The following DIP2C variants were observed in gnomAD, a reference collection of about 807,000 sequenced individuals.
DIP2C encodes disco-interacting protein 2 homolog C.
Under a neutral mutation model 192.4 loss-of-function variants are expected in DIP2C, and 33 were observed. The observed-to-expected ratio is 0.17, with a 90% confidence interval of 0.13 to 0.23. DIP2C has a LOEUF of 0.23. DIP2C is among the 10% of genes least tolerant of loss of function. The probability of loss-of-function intolerance (pLI) is 1.00; values close to 1 mark genes in which losing one functional copy is unlikely to be tolerated. For synonymous variants in DIP2C, 979 were observed against 864.1 expected, an observed-to-expected ratio of 1.13 and a Z score of -2.33; for missense variants, 1,537 against 2,110.1, an observed-to-expected ratio of 0.73 and a Z score of 5.32.
At chr10:328,799 G>A (rs1369744391) in intron 30 of DIP2C, among the ~76,000 whole-genome samples, 2 of 152,162 alleles carry the variant, frequency 1.3e-5, no homozygotes, top group Non-Finnish European at 2.9e-5. Flanking sequence ...AGAGTACAAA[G>A]TCAGTTGAAA....
chr10:404,527 A>G (rs538123820), intron 9 of DIP2C, among the ~76,000 whole-genome samples: 2 of 152,280 alleles, frequency 1.3e-5, no homozygotes, highest in African/African-American at 4.8e-5. Flanking sequence ...GAAGTTAAAC[A>G]ATTTTTTATG....
chr10:325,716 G>A (rs982017821), intron 31 of DIP2C, among the ~76,000 whole-genome samples: 1 of 152,200 alleles, frequency 6.6e-6, no homozygotes, highest in African/African-American at 2.4e-5. Context: ...AGTTTGGTGA[G>A]ATAAATCTAA....
intron 1 of DIP2C, among the ~76,000 whole-genome samples, chr10:592,205 A>C (rs1316282550): frequency 6.6e-6 from 1 of 152,176 alleles, no homozygotes; most frequent in Non-Finnish European, 1.5e-5. Flanking sequence ...TAATCGGAGG[A>C]CCCATTCAGA....
chr10:321,584 GCTCCAGCGAGAGACCGGCGCT>G (rs1957023122), intron 31 of DIP2C, among the ~76,000 whole-genome samples: 4 of 142,670 alleles, frequency 2.8e-5, no homozygotes, highest in African/African-American at 1.1e-4. Flanking sequence ...GGGGTGCGGG[GCTCCAGCGAGAGACCGGCGCT>G]GTTAGAACAG....
In DIP2C at chr10:689,145, C is replaced by A. The variant is rs1199086048; in HGVS notation, c.85+349G>T. On this transcript the variant is annotated intron_variant, in intron 1 of 36. Transcript: ENST00000280886. This position sits in a 1 kb window ranked among gnomAD's most constrained non-coding sequence, Gnocchi z 6.1. ...GCGCGGCGCCCAGGCCCCACAGACA[C>A]CCCCAGGGCGCGGGGGGATCGCGGC... Among the ~76,000 whole-genome samples the A allele has an allele frequency of 1.3e-5, 2 of 151,974 alleles. No homozygotes were observed. Among genetic ancestry groups the A allele is most frequent in the East Asian group, 3.9e-4 (2 of 5,138 alleles).
chr10:532,153 C>T (rs1168163396), intron 1 of DIP2C, among the ~76,000 whole-genome samples: 1 of 152,172 alleles, frequency 6.6e-6, no homozygotes, highest in Non-Finnish European at 1.5e-5. Context: ...CCGGCAGAAG[C>T]TTCTAGAGTA....
At chr10:647,312 C>G (rs554244658) in intron 1 of DIP2C, among the ~76,000 whole-genome samples, 5 of 136,002 alleles carry the variant, frequency 3.7e-5, no homozygotes, top group Admixed American at 3.6e-4. Context: ...CCACATTGGA[C>G]GGCGGGAGAG....
At position 441,096 on chromosome 10, in the gene DIP2C, T is replaced by C. The variant is rs1219407740; in HGVS notation, c.269-100A>G. On this transcript the variant is annotated intron_variant, in intron 3 of 36. Coordinates refer to ENST00000280886, the MANE Select transcript of DIP2C (RefSeq NM_014974.3). Reference sequence around the variant, plus strand: ...CCTGCAGCACAGTTCATCCACCTTCTGAAACTCACCAACAGATGGGTGGGC... The same window carrying C: ...CCTGCAGCACAGTTCATCCACCTTCCGAAACTCACCAACAGATGGGTGGGC... The C allele has an allele frequency of 2.9e-6, 4 of 1,364,494 alleles. No individual in the cohort carries two copies. In the East Asian group the frequency reaches 7.8e-5, roughly 27 times the overall value. 84.5% of individuals were successfully genotyped at this position (1,364,494 alleles called of 1,614,324 possible). A position where few individuals can be genotyped will look rare whatever the true frequency, so the allele number is the denominator to read the frequency against.
chr10:449,553 A>C (rs1460429447), intron 3 of DIP2C, among the ~76,000 whole-genome samples: 1 of 144,338 alleles, frequency 6.9e-6, no homozygotes, highest in African/African-American at 2.6e-5. Context: ...CAGGCTAAGG[A>C]GTGAGTAAGG....
chr10:453,367 A>G (rs1969009875), intron 3 of DIP2C, among the ~76,000 whole-genome samples: 1 of 152,234 alleles, frequency 6.6e-6, no homozygotes, highest in Non-Finnish European at 1.5e-5. Context: ...GTCAACAGAC[A>G]TGTGTGCAAA....
intron 10 of DIP2C, among the ~76,000 whole-genome samples, chr10:392,736 GCGCA>G (rs199582869): frequency 4.3e-3 from 409 of 94,186 alleles, no homozygotes; most frequent in South Asian, 5.7e-3. Flanking sequence ...AGGTACACAC[GCGCA>G]CACACTCACA....
intron 1 of DIP2C, among the ~76,000 whole-genome samples, chr10:512,115 C>G (rs1846056188): frequency 6.6e-6 from 1 of 152,256 alleles, no homozygotes; most frequent in Admixed American, 6.5e-5. Flanking sequence ...AAATGTCAAC[C>G]TTCCTAAGCA....
At chr10:560,609 T>A (rs145281224) in intron 1 of DIP2C, among the ~76,000 whole-genome samples, 208 of 152,348 alleles carry the variant, frequency 1.4e-3, no homozygotes, top group Middle Eastern at 6.8e-3. Flanking sequence ...TTAACATACT[T>A]GAAAACACAT....
chr10:439,444 C>A (rs72772893), intron 4 of DIP2C, among the ~76,000 whole-genome samples: 1 of 152,272 alleles, frequency 6.6e-6, no homozygotes, highest in South Asian at 2.1e-4. Context: ...ATAGGAACAC[C>A]CTGTCTCCAC....
At chr10:650,733 C>A (rs117202400) in intron 1 of DIP2C, 25 of 637,558 alleles carry the variant, frequency 3.9e-5, no homozygotes, top group Middle Eastern at 2.8e-4. Context: ...GCCGACCCCC[C>A]CTCATGCTCA....
At chr10:477,650 A>T (rs1001841756) in intron 2 of DIP2C, among the ~76,000 whole-genome samples, 2 of 137,786 alleles carry the variant, frequency 1.5e-5, no homozygotes, top group African/African-American at 5.4e-5. Context: ...AAGAGAAGAA[A>T]AATAGATGAA....
rs117947303 is a variant in DIP2C at position 380,587 on chromosome 10, C to A, written c.1991+2060G>T. 6.1e-3 allele frequency among the ~76,000 whole-genome samples: 925 copies of A among 152,362 alleles called. 4 individuals carry two copies. Among genetic ancestry groups the A allele is most frequent in the Middle Eastern group, 0.014 (4 of 294 alleles). ...CAGGCATAATCCGTCCTCTACAGAC[C>A]CTTCTCTGCAACAAAACAGGGGAAT... On this transcript the variant is annotated intron_variant, in intron 17 of 36. Coordinates refer to ENST00000280886, the MANE Select transcript of DIP2C (RefSeq NM_014974.3).
chr10:442,848 T>C lies in DIP2C; in HGVS notation c.269-1852A>G, dbSNP rs577188757. 4.6e-5 allele frequency among the ~76,000 whole-genome samples: 7 copies of C among 152,254 alleles called. No homozygotes were observed. The South Asian group carries it at 1.4e-3, about 32-fold the overall frequency. ...AACTGTCTCCATAATTTTCTTACTT[T>C]GTCTTCCTATTTTATGATCCAATCC... On this transcript the variant is annotated intron_variant, in intron 3 of 36. Coordinates refer to ENST00000280886, the MANE Select transcript of DIP2C (RefSeq NM_014974.3).
chr10:623,763 G>A (rs1854027093), intron 1 of DIP2C, among the ~76,000 whole-genome samples: 1 of 150,948 alleles, frequency 6.6e-6, no homozygotes, highest in African/African-American at 2.4e-5. Flanking sequence ...GGGGAAGAGG[G>A]GAGGGATGCA....
Sources: allele counts gnomAD v4.1 joint callset (sites outside exome capture counted in the v4.1 genomes callset), GRCh38; gene constraint gnomAD v4.1.1; non-coding constraint Gnocchi (gnomAD v3.1); transcripts MANE v1.5; gene names NCBI Gene and HGNC (gene_info 2026-07-23, HGNC 2026-07-21).